STYX: variants seen among roughly 807,000 people sequenced by gnomAD.
STYX encodes the protein serine/threonine/tyrosine interacting protein.
STYX carries 20 observed loss-of-function variants against 42.7 expected under a neutral mutation model. The observed-to-expected ratio is 0.47, with a 90% CI of 0.33 to 0.68. STYX has a LOEUF of 0.68. Among genes scored for constraint, STYX ranks in the 30% least tolerant of loss-of-function variants. STYX has a pLI of 0.02. For synonymous variants in STYX, 78 were observed against 81.9 expected, an observed-to-expected ratio of 0.95 and a Z score of 0.26; for missense variants, 226 against 268.5, an observed-to-expected ratio of 0.84 and a Z score of 1.11.
intron 1 of STYX, among the ~76,000 whole-genome samples, chr14:52,740,208 G>A (rs1881130647): frequency 6.6e-6 from 1 of 152,108 alleles, no homozygotes; most frequent in Non-Finnish European, 1.5e-5. Context: ...CCTGGGAAGC[G>A]GAGGTTGCAG....
At chr14:52,752,511 A>G (rs1246416759) in intron 4 of STYX, among the ~76,000 whole-genome samples, 1 of 152,084 alleles carries the variant, frequency 6.6e-6, no homozygotes, top group African/African-American at 2.4e-5. Flanking sequence ...TTACAATGAA[A>G]CCAATCTATA....
chr14:52,742,480 A>G (rs758919026), intron 1 of STYX, among the ~76,000 whole-genome samples: 1 of 152,200 alleles, frequency 6.6e-6, no homozygotes, highest in Non-Finnish European at 1.5e-5. Flanking sequence ...GGCAGTATCT[A>G]GTAAAGCCAA....
At chr14:52,756,819 C>G (rs867375699) in intron 5 of STYX, among the ~76,000 whole-genome samples, 29 of 151,706 alleles carry the variant, frequency 1.9e-4, no homozygotes, top group African/African-American at 6.5e-4. Flanking sequence ...TCCCAAGTGG[C>G]TGGGATTACA....
At chr14:52,769,227 G>T (rs908965242) in intron 10 of STYX, among the ~76,000 whole-genome samples, 1 of 152,070 alleles carries the variant, frequency 6.6e-6, no homozygotes, top group Non-Finnish European at 1.5e-5. Flanking sequence ...ACAGCGTGTA[G>T]CATGGCTAAT....
chr14:52,766,500 G>A (rs75296244), intron 9 of STYX, among the ~76,000 whole-genome samples: 14,032 of 151,672 alleles, frequency 0.093, 711 homozygotes, highest in South Asian at 0.15. Flanking sequence ...TAGAGATGGG[G>A]TTTTGCCATA....
intron 4 of STYX, among the ~76,000 whole-genome samples, chr14:52,752,946 T>C (rs1881688237): frequency 1.4e-5 from 2 of 147,726 alleles, no homozygotes; most frequent in Admixed American, 6.8e-5. Context: ...AGTGGTGTGA[T>C]CTTGGCTCAC....
At chr14:52,756,982 C>T (rs1881897376) in intron 5 of STYX, among the ~76,000 whole-genome samples, 1 of 152,140 alleles carries the variant, frequency 6.6e-6, no homozygotes. Context: ...CCACCGTGCC[C>T]AGCCCCTTTA....
chr14:52,774,644 C>T lies in STYX; in HGVS notation c.*3538C>T, dbSNP rs1428141630. On this transcript the variant is annotated 3_prime_UTR_variant, in exon 11 of 11. Transcript: ENST00000354586. ...TCTGTGGCAGCTAAAACAAAAATCA[C>T]TCAAAATATTCAGGTTTACATGTTA... 3 of 146,758 alleles carry T rather than the reference C, an allele frequency of 2.0e-5. No homozygotes were observed. The highest frequency in any genetic ancestry group is 3.0e-5 in the Non-Finnish European group (2 of 67,232). The allele number at this position is 146,758 out of a possible 1,614,324, so 9.1% of individuals were successfully genotyped here.
At chr14:52,732,179 C>G (rs1880747514) in intron 1 of STYX, among the ~76,000 whole-genome samples, 1 of 150,240 alleles carries the variant, frequency 6.7e-6, no homozygotes, top group African/African-American at 2.5e-5. Flanking sequence ...CCCACCGCAG[C>G]CTCTGCCTCG....
chr14:52,768,833 T>C lies in STYX; in HGVS notation c.505-7T>C. On this transcript the variant is annotated splice_region_variant and splice_polypyrimidine_tract_variant and intron_variant, in intron 9 of 10. Transcript: ENST00000354586. ...TAATTAAGTTAATTAACTTATTTTT[T>C]TTTTAGGAATATGAAGCCATCTACC... 1 of 1,556,304 alleles carries C rather than the reference T, an allele frequency of 6.4e-7. No homozygotes were observed. Among genetic ancestry groups the C allele is most frequent in the South Asian group, 1.3e-5 (1 of 79,784 alleles).
intron 9 of STYX, among the ~76,000 whole-genome samples, chr14:52,761,905 C>T (rs1377203340): frequency 2.2e-5 from 3 of 138,060 alleles, no homozygotes; most frequent in African/African-American, 8.1e-5. Context: ...ATTAGCCAGG[C>T]GTGGTGGCAG....
chr14:52,755,494 T>C (rs575084856), intron 4 of STYX, among the ~76,000 whole-genome samples: 1 of 152,260 alleles, frequency 6.6e-6, no homozygotes, highest in South Asian at 2.1e-4. Flanking sequence ...AAAAACTGTA[T>C]TTTTTAGTGC....
intron 3 of STYX, among the ~76,000 whole-genome samples, chr14:52,748,922 T>C (rs556257612): frequency 1.3e-4 from 20 of 152,398 alleles, no homozygotes; most frequent in African/African-American, 4.8e-4. Flanking sequence ...ACTCAAGTTA[T>C]ACTCAAGAAA....
At chr14:52,770,959 A>G (rs1040145514) in intron 10 of STYX, 74 bp from the exon 11 acceptor site, 5 of 1,439,296 alleles carry the variant, frequency 3.5e-6, no homozygotes, top group Middle Eastern at 1.8e-4. Flanking sequence ...CTTAATAACA[A>G]AATTTTACTT....
At chr14:52,768,171 G>T (rs925754165) in intron 9 of STYX, among the ~76,000 whole-genome samples, 1 of 152,040 alleles carries the variant, frequency 6.6e-6, no homozygotes, top group African/African-American at 2.4e-5. Context: ...GCCTAGCTTA[G>T]GATGGTTCTA....
intron 1 of STYX, among the ~76,000 whole-genome samples, chr14:52,740,218 G>A (rs1305600768): frequency 1.3e-5 from 2 of 152,182 alleles, no homozygotes; most frequent in Admixed American, 6.5e-5. Flanking sequence ...GGAGGTTGCA[G>A]TGAGCTGAGA....
chr14:52,759,448 G>C (rs1049695388), intron 8 of STYX, among the ~76,000 whole-genome samples: 1 of 152,270 alleles, frequency 6.6e-6, no homozygotes, highest in Admixed American at 6.5e-5. Context: ...ATTCATAGTA[G>C]TTCCCCAAGG....
At chr14:52,749,455 C>T (rs1030969645) in intron 3 of STYX, among the ~76,000 whole-genome samples, 6 of 152,078 alleles carry the variant, frequency 3.9e-5, no homozygotes, top group Admixed American at 3.3e-4. Context: ...GGATTTAAAA[C>T]AATGTGTCAA....
chr14:52,762,882 C>CTTTCT (rs1160860613), intron 9 of STYX, among the ~76,000 whole-genome samples: 39 of 26,850 alleles, frequency 1.5e-3, no homozygotes, highest in African/African-American at 5.4e-3. Flanking sequence ...TTCTTTCTTT[C>CTTTCT]TTTTTTTTTT....
Sources: gnomAD v4.1 joint callset for allele counts (sites outside exome capture counted in the v4.1 genomes callset) on GRCh38, gnomAD v4.1.1 for gene constraint, MANE v1.5 for transcripts, NCBI Gene and HGNC (gene_info 2026-07-23, HGNC 2026-07-21) for gene names.